Variants in MACROD2 observed in about 807,000 individuals in gnomAD.
MACROD2 encodes the protein mono-ADP ribosylhydrolase 2, also known as ADP-ribose glycohydrolase MACROD2.
Under a neutral mutation model 70.4 loss-of-function variants are expected in MACROD2, and 36 were observed. The observed-to-expected ratio is 0.51, with a 90% CI of 0.39 to 0.68. The LOEUF is 0.68. Among genes scored for constraint, MACROD2 ranks in the 30% least tolerant of loss-of-function variants. The pLI, the probability that MACROD2 is intolerant of heterozygous loss-of-function variation, is 0.00. For missense variants in MACROD2, 496 were observed against 538.4 expected, an observed-to-expected ratio of 0.92 and a Z score of 0.78; for synonymous variants, 172 against 178.8, an observed-to-expected ratio of 0.96 and a Z score of 0.30.
intron 5 of MACROD2, among the ~76,000 whole-genome samples, chr20:15,153,450 A>G (rs1313936304): frequency 6.6e-6 from 1 of 152,268 alleles, no homozygotes; most frequent in East Asian, 1.9e-4. Context: ...CTGGATGTGT[A>G]TGTGCAGGTC....
intron 3 of MACROD2, among the ~76,000 whole-genome samples, chr20:14,129,418 T>C (rs572120566): frequency 6.6e-6 from 1 of 152,344 alleles, no homozygotes; most frequent in African/African-American, 2.4e-5. Flanking sequence ...TGATGAGGAA[T>C]TGCTTCTTAT....
At chr20:15,048,212 G>A (rs1045246083) in intron 5 of MACROD2, among the ~76,000 whole-genome samples, 7 of 152,134 alleles carry the variant, frequency 4.6e-5, no homozygotes, top group Admixed American at 2.0e-4. Flanking sequence ...GGAGGCAGAC[G>A]TTGTAGTGAG....
intron 4 of MACROD2, among the ~76,000 whole-genome samples, chr20:14,542,546 T>G (rs534775758): frequency 2.0e-4 from 31 of 152,340 alleles, no homozygotes; most frequent in African/African-American, 7.5e-4. Context: ...TTTGTGCATT[T>G]CATTGTATGT....
At chr20:14,681,657 A>G (rs553126417) in intron 4 of MACROD2, among the ~76,000 whole-genome samples, 1 of 152,322 alleles carries the variant, frequency 6.6e-6, no homozygotes, top group East Asian at 1.9e-4. Flanking sequence ...TATCTTTATT[A>G]GCATCATGGT....
chr20:15,188,730 A>G (rs549711471), intron 5 of MACROD2, among the ~76,000 whole-genome samples: 1 of 152,342 alleles, frequency 6.6e-6, no homozygotes, highest in South Asian at 2.1e-4. Flanking sequence ...GACTTTATTT[A>G]TAAGGCACTG....
intron 3 of MACROD2, among the ~76,000 whole-genome samples, chr20:14,118,306 A>G (rs1318778318): frequency 6.6e-6 from 1 of 152,206 alleles, no homozygotes; most frequent in Non-Finnish European, 1.5e-5. Flanking sequence ...GGCATTAAAC[A>G]GGGTATTGTT....
chr20:14,938,146 A>G (rs943574080), intron 5 of MACROD2, among the ~76,000 whole-genome samples: 1 of 151,986 alleles, frequency 6.6e-6, no homozygotes, highest in Non-Finnish European at 1.5e-5. Context: ...TACTGCTGCA[A>G]TGAACGTGGG....
intron 5 of MACROD2, among the ~76,000 whole-genome samples, chr20:14,814,839 T>C (rs1404262973): frequency 6.6e-6 from 1 of 151,840 alleles, no homozygotes; most frequent in East Asian, 1.9e-4. Flanking sequence ...AAAAGAGTGC[T>C]GAGAGACCAC....
At chr20:15,307,791 C>G (rs573308336) in intron 6 of MACROD2, among the ~76,000 whole-genome samples, 1 of 151,974 alleles carries the variant, frequency 6.6e-6, no homozygotes, top group Non-Finnish European at 1.5e-5. Context: ...TAACATATTA[C>G]ATTTTTTGTC....
intron 4 of MACROD2, among the ~76,000 whole-genome samples, chr20:14,625,106 G>A (rs989034837): frequency 6.6e-6 from 1 of 151,944 alleles, no homozygotes; most frequent in South Asian, 2.1e-4. Flanking sequence ...GAGGTGGGTG[G>A]ATCCCCTGAG....
chr20:14,874,289 C>CATTCATTTATTT (rs1555842151), intron 5 of MACROD2, among the ~76,000 whole-genome samples: 7 of 131,326 alleles, frequency 5.3e-5, no homozygotes, highest in African/African-American at 1.3e-4. Flanking sequence ...AATGGAGATT[C>CATTCATTTATTT]ATTTATTTAT....
intron 5 of MACROD2, among the ~76,000 whole-genome samples, chr20:15,035,724 C>T (rs2075307648): frequency 6.6e-6 from 1 of 152,194 alleles, no homozygotes; most frequent in Non-Finnish European, 1.5e-5. Context: ...GCAGTTCATT[C>T]CAACGGACAA....
At chr20:14,088,327 T>TAA (rs11372104) in intron 3 of MACROD2, among the ~76,000 whole-genome samples, 28,395 of 117,600 alleles carry the variant, frequency 0.24, 3,833 homozygotes, top group African/African-American at 0.3. Context: ...AGACTCCATC[T>TAA]AAAAAAAAAA....
At chr20:15,756,030 G>T (rs913607320) in intron 8 of MACROD2, among the ~76,000 whole-genome samples, 1 of 152,144 alleles carries the variant, frequency 6.6e-6, no homozygotes, top group African/African-American at 2.4e-5. Context: ...ACCTCAGGTT[G>T]CAGGGAGCCA....
chr20:15,835,897 G>C (rs556464841), intron 8 of MACROD2, among the ~76,000 whole-genome samples: 1 of 152,172 alleles, frequency 6.6e-6, no homozygotes, highest in Non-Finnish European at 1.5e-5. Flanking sequence ...AACCTGTAAA[G>C]TTGCTTGCAG....
chr20:16,030,249 C>G (rs1601349947), intron 15 of MACROD2, among the ~76,000 whole-genome samples: 1 of 152,164 alleles, frequency 6.6e-6, no homozygotes, highest in Admixed American at 6.6e-5. Flanking sequence ...TGGGGGGAAC[C>G]TGGGCTGGGC....
intron 5 of MACROD2, among the ~76,000 whole-genome samples, chr20:14,701,940 A>G (rs1483207433): frequency 6.6e-6 from 1 of 152,140 alleles, no homozygotes; most frequent in African/African-American, 2.4e-5. Context: ...GAGGTTAAAC[A>G]ACTTTCCTAA....
intron 8 of MACROD2, among the ~76,000 whole-genome samples, chr20:15,659,178 A>T (rs2049778978): frequency 6.6e-6 from 1 of 152,064 alleles, no homozygotes; most frequent in Non-Finnish European, 1.5e-5. Flanking sequence ...GTCTAAGTGG[A>T]ATGTTCAGGT....
At chr20:15,119,121 C>T (rs1240474828) in intron 5 of MACROD2, among the ~76,000 whole-genome samples, 1 of 152,154 alleles carries the variant, frequency 6.6e-6, no homozygotes. Context: ...ATCGGAAGAC[C>T]TGGGAATATT....
Sources: gnomAD v4.1 joint callset for allele counts (sites outside exome capture counted in the v4.1 genomes callset) on GRCh38, gnomAD v4.1.1 for gene constraint, MANE v1.5 for transcripts, NCBI Gene and HGNC (gene_info 2026-07-23, HGNC 2026-07-21) for gene names.